TSHR: variants seen among roughly 807,000 people sequenced by gnomAD.
The protein encoded by TSHR is thyroid stimulating hormone receptor.
Under a neutral mutation model 64.1 loss-of-function variants are expected in TSHR, and 51 were observed. That is an observed-to-expected ratio of 0.80 (90% CI 0.64 to 1.01). The LOEUF (loss-of-function observed/expected upper bound fraction) is 1.01. Ranked by LOEUF, TSHR falls within the 50% of genes least tolerant of loss-of-function variation. TSHR has a pLI of 0.00. For missense variants in TSHR, 877 were observed against 942.8 expected (o/e 0.93, Z 0.91); for synonymous variants, 361 against 361.9 (o/e 1.00, Z 0.03).
intron 1 of TSHR, chr14:81,001,387 A>G (rs1889308371): frequency 7.6e-6 from 3 of 393,968 alleles, no homozygotes; most frequent in South Asian, 3.9e-5. Context: ...GAGTACATGC[A>G]TGGGTTAATC....
chr14:81,013,392 T>C (rs1021392629), intron 1 of TSHR: 24 of 152,214 alleles, frequency 1.6e-4, no homozygotes, highest in African/African-American at 4.3e-4. Context: ...TCCAGCTTTG[T>C]TCTTTTGGCT....
intron 9 of TSHR, among the ~76,000 whole-genome samples, 180 bp from the exon 10 acceptor site, chr14:81,142,759 AC>A (rs1891749684): frequency 6.6e-6 from 1 of 151,506 alleles, no homozygotes; most frequent in African/African-American, 2.4e-5. Context: ...ATAGGCACAT[AC>A]CACCATGCCC....
chr14:81,066,682 G>A (rs1233983193), intron 2 of TSHR, among the ~76,000 whole-genome samples: 2 of 152,094 alleles, frequency 1.3e-5, no homozygotes, highest in Non-Finnish European at 2.9e-5. Context: ...ATTAGAATTG[G>A]CTAAGAAGCT....
chr14:81,063,166 C>T (rs1442261268), intron 2 of TSHR, among the ~76,000 whole-genome samples: 1 of 152,132 alleles, frequency 6.6e-6, no homozygotes, highest in Non-Finnish European at 1.5e-5. Flanking sequence ...TTTTATGTTG[C>T]TAACAAGTCC....
rs2239610 is a variant in TSHR, at chr14:80,955,913, G to C, written c.170+63G>C. ...TCAAGGGCATCTGCAGAGGTGGCCC[G>C]AAGTGCACAAAAGCAGCTCAATAAC... On this transcript the variant is annotated intron_variant, in intron 1 of 9. Transcript: ENST00000298171. 0.26 allele frequency: 413,612 copies of C among 1,606,776 alleles called. 55,355 individuals carry two copies. The highest frequency in any genetic ancestry group is 0.36 in the Admixed American group (21,364 of 59,966).
chr14:81,064,829 A>C (rs530292685), intron 2 of TSHR, among the ~76,000 whole-genome samples: 10 of 152,130 alleles, frequency 6.6e-5, no homozygotes, highest in African/African-American at 2.4e-4. Flanking sequence ...GAGAAGCTAA[A>C]GAGAGTGAAG....
intron 3 of TSHR, among the ~76,000 whole-genome samples, chr14:81,081,390 T>G (rs147919502): frequency 1.3e-3 from 198 of 152,278 alleles, no homozygotes; most frequent in African/African-American, 4.7e-3. Context: ...AAGATAGAGA[T>G]GAAGATTGCA....
intron 1 of TSHR, among the ~76,000 whole-genome samples, chr14:80,960,028 T>C (rs907399980): frequency 5.9e-5 from 9 of 152,210 alleles, no homozygotes; most frequent in African/African-American, 2.2e-4. Flanking sequence ...CTATTGTCTG[T>C]GAATACACTG....
chr14:81,036,007 T>G (rs1884605818), intron 1 of TSHR, among the ~76,000 whole-genome samples: 1 of 152,106 alleles, frequency 6.6e-6, no homozygotes, highest in African/African-American at 2.4e-5. Flanking sequence ...TTTGTGAACT[T>G]AAAGACAGGT....
At chr14:81,049,261 G>C (rs958932688) in intron 1 of TSHR, among the ~76,000 whole-genome samples, 1 of 152,176 alleles carries the variant, frequency 6.6e-6, no homozygotes, top group African/African-American at 2.4e-5. Context: ...ATAATGCCTG[G>C]AGCATGGTAG....
intron 3 of TSHR, among the ~76,000 whole-genome samples, chr14:81,072,242 A>T (rs1236861165): frequency 6.6e-6 from 1 of 152,242 alleles, no homozygotes; most frequent in Non-Finnish European, 1.5e-5. Flanking sequence ...TGATTAAATC[A>T]TGGTAACTGA....
chr14:81,080,743 A>C (rs187005813), intron 3 of TSHR, among the ~76,000 whole-genome samples: 65 of 152,310 alleles, frequency 4.3e-4, no homozygotes, highest in African/African-American at 8.9e-4. Flanking sequence ...TAATGTAGGA[A>C]ATAATTTATT....
In TSHR at chr14:81,122,685, ATACT is replaced by A. The variant is rs1890854746; in HGVS notation, c.692+14237_692+14240del. ...AAACCTAAAAACAATACATCAAGAA[ATACT>A]TACACTTATGGAAGGAAATACCAGA... is the stretch of plus-strand genomic sequence containing the variant. On this transcript the variant is annotated intron_variant, in intron 8 of 9. Coordinates refer to ENST00000298171, the MANE Select transcript of TSHR (RefSeq NM_000369.5). 1.3e-5 allele frequency among the ~76,000 whole-genome samples: 2 copies of A among 152,184 alleles called. 1 individual carries two copies. The highest frequency in any genetic ancestry group is 4.1e-4 in the South Asian group (2 of 4,824).
At chr14:80,982,254 T>C in intron 1 of TSHR, 1 of 688,872 alleles carries the variant, frequency 1.5e-6, no homozygotes, top group Middle Eastern at 2.8e-4. Flanking sequence ...GAGATTTCAG[T>C]CCCGAGGCTG....
chr14:81,108,360 T>C lies in TSHR; in HGVS notation c.615-15T>C. ...CTAATTCATTCTCTCTCTCTCTTTC[T>C]CTCTCTCCCTCTAGTTACCTAAACA... On this transcript the variant is annotated splice_polypyrimidine_tract_variant and intron_variant, in intron 7 of 9. Coordinates refer to ENST00000298171, the MANE Select transcript of TSHR (RefSeq NM_000369.5). The C allele has an allele frequency of 6.3e-7, 1 of 1,596,588 alleles. No individual in the cohort carries two copies. Among genetic ancestry groups the C allele is most frequent in the Non-Finnish European group, 8.6e-7 (1 of 1,164,938 alleles).
chr14:81,071,612 T>A (rs1887073896), intron 3 of TSHR, among the ~76,000 whole-genome samples: 1 of 151,796 alleles, frequency 6.6e-6, no homozygotes. Context: ...AAAAAAAAAA[T>A]TAGCTGAGCA....
intron 7 of TSHR, chr14:81,107,153 C>T (rs897734868): frequency 1.3e-5 from 2 of 152,032 alleles, no homozygotes; most frequent in Non-Finnish European, 2.9e-5. Context: ...GTCCAGTTAA[C>T]CAGGAGGGAA....
intron 1 of TSHR, among the ~76,000 whole-genome samples, chr14:81,035,344 T>C (rs1884568454): frequency 6.6e-6 from 1 of 152,220 alleles, no homozygotes; most frequent in South Asian, 2.1e-4. Flanking sequence ...TGCTCAGCTG[T>C]GACTCTACTG....
At chr14:80,997,337 G>A (rs773645543) in intron 1 of TSHR, among the ~76,000 whole-genome samples, 3 of 152,110 alleles carry the variant, frequency 2.0e-5, no homozygotes, top group Non-Finnish European at 2.9e-5. Flanking sequence ...AGCTAAACAC[G>A]GACAAATAGT....
Sources: allele counts gnomAD v4.1 joint callset (sites outside exome capture counted in the v4.1 genomes callset), GRCh38; gene constraint gnomAD v4.1.1; transcripts MANE v1.5; gene names NCBI Gene and HGNC (gene_info 2026-07-23, HGNC 2026-07-21).